Variants in TDRD1 observed in about 807,000 individuals in gnomAD.
The protein encoded by TDRD1 is tudor domain containing 1, also known as tudor domain-containing protein 1.
In TDRD1, 37 loss-of-function variants were observed where a neutral mutation model predicts 140.6. That is an observed-to-expected ratio of 0.26 (90% CI 0.20 to 0.35). The LOEUF is 0.35. Among genes scored for constraint, TDRD1 ranks in the 10% least tolerant of loss-of-function variants. TDRD1 has a pLI of 1.00. For missense variants in TDRD1, 1,243 were observed against 1,393.0 expected (o/e 0.89, Z 1.71); for synonymous variants, 506 against 475.7 (o/e 1.06, Z -0.83).
At chr10:114,228,827 T>C in intron 25 of TDRD1, 2 of 974,138 alleles carry the variant, frequency 2.1e-6, no homozygotes, top group Non-Finnish European at 1.2e-6. Context: ...CTCACGCCTG[T>C]AATCCCAGCA....
In TDRD1 at chr10:114,206,125, C is replaced by G. The variant is rs76540300; in HGVS notation, c.1298-119C>G. On this transcript the variant is annotated intron_variant, in intron 10 of 25. Coordinates refer to ENST00000251864, the Ensembl canonical transcript of TDRD1. Reference sequence around the variant, plus strand: ...AGGAACTGAATTGGCAAAACATATACCAACCTATTAATAGCTATGAACGTG... The same window carrying G: ...AGGAACTGAATTGGCAAAACATATAGCAACCTATTAATAGCTATGAACGTG... 7.9e-4 allele frequency: 593 copies of G among 750,562 alleles called. 15 individuals are homozygous for G. In the East Asian group the frequency reaches 0.015, roughly 20 times the overall value. The allele number at this position is 750,562 out of a possible 1,614,324, so 46.5% of individuals were successfully genotyped here.
At chr10:114,202,809 C>T (rs2034846766) in intron 6 of TDRD1, among the ~76,000 whole-genome samples, 1 of 152,196 alleles carries the variant, frequency 6.6e-6, no homozygotes, top group Non-Finnish European at 1.5e-5. Flanking sequence ...ATACCTCCAC[C>T]ACCACCATTT....
upstream of TDRD1, among the ~76,000 whole-genome samples, chr10:114,178,347 T>C (rs1454998519): frequency 6.6e-6 from 1 of 152,176 alleles, no homozygotes; most frequent in African/African-American, 2.4e-5. Context: ...GTCAGCACAC[T>C]TTAAATATTA....
chr10:114,211,779 A>G, intron 13 of TDRD1, 87 bp from the exon 14 acceptor site: 3 of 1,298,380 alleles, frequency 2.3e-6, no homozygotes, highest in African/African-American at 1.5e-5. Context: ...AAATCTATAA[A>G]TGACCATCTC....
chr10:114,216,283 T>C (rs1031278015), intron 16 of TDRD1, among the ~76,000 whole-genome samples: 2 of 152,236 alleles, frequency 1.3e-5, no homozygotes, highest in Non-Finnish European at 2.9e-5. Context: ...CATTGCTGTT[T>C]AGTCTCTATT....
intron 11 of TDRD1, among the ~76,000 whole-genome samples, chr10:114,206,610 T>A (rs886568428): frequency 8.8e-5 from 12 of 137,042 alleles, no homozygotes; most frequent in Non-Finnish European, 1.5e-4. Flanking sequence ...AGTTAGGGTT[T>A]GTTTTTTTTT....
chr10:114,202,248 CTTGAAAATAAATCATCTA>C, exon 6 of TDRD1: 1 of 1,602,018 alleles, frequency 6.2e-7, no homozygotes, highest in African/African-American at 1.3e-5. Context: ...TTTCCACAAA[CTTGAAAATAAATCATCTA>C]TTGAAACAAA....
At chr10:114,229,530 G>A (rs1045690065) in intron 25 of TDRD1, among the ~76,000 whole-genome samples, 1 of 149,922 alleles carries the variant, frequency 6.7e-6, no homozygotes, top group Admixed American at 6.6e-5. Context: ...GTATGTTTAA[G>A]CTTAAAATCT....
chr10:114,220,416 G>A, intron 18 of TDRD1, 152 bp from the exon 19 acceptor site: 2 of 607,736 alleles, frequency 3.3e-6, no homozygotes, highest in Non-Finnish European at 5.8e-6. Flanking sequence ...CTTAAGTCAG[G>A]CATGCAGGAT....
intron 22 of TDRD1, among the ~76,000 whole-genome samples, chr10:114,226,665 A>C (rs781032085): frequency 6.6e-6 from 1 of 152,214 alleles, no homozygotes; most frequent in Non-Finnish European, 1.5e-5. Context: ...CCTTAGTTGG[A>C]ATTTGAACAA....
chr10:114,227,604 C>G (rs1014540095), intron 23 of TDRD1, among the ~76,000 whole-genome samples: 1 of 152,202 alleles, frequency 6.6e-6, no homozygotes, highest in Non-Finnish European at 1.5e-5. Context: ...CTATCCTGAT[C>G]AAACTGAGAA....
At chr10:114,179,040 T>C (rs1434494528), upstream of TDRD1, among the ~76,000 whole-genome samples, 2 of 152,230 alleles carry the variant, frequency 1.3e-5, no homozygotes, top group African/African-American at 4.8e-5. Flanking sequence ...GACCTTTAAG[T>C]GGCCACGGTG....
intron 14 of TDRD1, among the ~76,000 whole-genome samples, chr10:114,213,145 C>G (rs575093587): frequency 6.6e-6 from 1 of 152,114 alleles, no homozygotes; most frequent in African/African-American, 2.4e-5. Context: ...CTCGGCCTCC[C>G]GGCGTGCTGG....
intron 17 of TDRD1, 73 bp downstream of exon 17, chr10:114,217,728 A>C (rs1186997780): frequency 2.7e-6 from 2 of 747,922 alleles, no homozygotes; most frequent in African/African-American, 3.6e-5. Flanking sequence ...TTTAGTGCAC[A>C]TTTTCTTAAT....
At chr10:114,194,700 TG>T (rs1224211185) in intron 3 of TDRD1, among the ~76,000 whole-genome samples, 7 of 151,622 alleles carry the variant, frequency 4.6e-5, no homozygotes, top group South Asian at 2.1e-4. Flanking sequence ...CTTTTGGGCA[TG>T]TTTTTTTGTC....
chr10:114,226,398 T>C (rs955974476), intron 22 of TDRD1, among the ~76,000 whole-genome samples, 182 bp downstream of exon 22: 1 of 152,204 alleles, frequency 6.6e-6, no homozygotes, highest in Non-Finnish European at 1.5e-5. Flanking sequence ...TCACAAAAAC[T>C]GTGTTCAGTC....
chr10:114,200,061 T>C (rs1213285413), intron 4 of TDRD1, among the ~76,000 whole-genome samples: 1 of 152,240 alleles, frequency 6.6e-6, no homozygotes, highest in African/African-American at 2.4e-5. Flanking sequence ...CCATTTTCTT[T>C]TCCCACTGGG....
intron 1 of TDRD1, among the ~76,000 whole-genome samples, chr10:114,187,058 C>T (rs989183991): frequency 2.0e-5 from 3 of 152,156 alleles, no homozygotes; most frequent in African/African-American, 7.2e-5. Context: ...GGGCAGGGCA[C>T]TTAGAATTCT....
intron 3 of TDRD1, among the ~76,000 whole-genome samples, chr10:114,194,733 TTGTC>T (rs1185004946): frequency 6.6e-6 from 1 of 151,234 alleles, no homozygotes; most frequent in Non-Finnish European, 1.5e-5. Flanking sequence ...GTTTTTTTGT[TTGTC>T]TTTTTAGTGG....
Sources: allele counts gnomAD v4.1 joint callset (sites outside exome capture counted in the v4.1 genomes callset), GRCh38; gene constraint gnomAD v4.1.1; transcripts MANE v1.5; gene names NCBI Gene and HGNC (gene_info 2026-07-23, HGNC 2026-07-21).